The following FHOD3 variants were observed in gnomAD, a reference collection of about 807,000 sequenced individuals.
FHOD3 encodes FH1/FH2 domain-containing protein 3.
FHOD3 carries 90 observed loss-of-function variants against 173.0 expected under a neutral mutation model. The ratio of observed to expected loss-of-function variants is 0.52; its 90% confidence interval spans 0.44 to 0.62. FHOD3 has a LOEUF of 0.62. Among genes scored for constraint, FHOD3 ranks in the 20% least tolerant of loss-of-function variants. FHOD3 has a pLI of 0.00. For synonymous variants in FHOD3, 828 were observed against 823.0 expected (o/e 1.01, Z -0.10); for missense variants, 1,945 against 2,034.7 (o/e 0.96, Z 0.85).
intron 11 of FHOD3, among the ~76,000 whole-genome samples, chr18:36,650,963 C>T (rs772528523): frequency 5.3e-5 from 8 of 152,190 alleles, no homozygotes; most frequent in Non-Finnish European, 1.2e-4. Flanking sequence ...AGGAAATAAA[C>T]ATGTGTATGT....
intron 5 of FHOD3, among the ~76,000 whole-genome samples, chr18:36,551,720 G>T (rs1465915585): frequency 6.6e-6 from 1 of 152,276 alleles, no homozygotes; most frequent in African/African-American, 2.4e-5. Context: ...CATATGGCTA[G>T]CCAGTTTTCC....
At chr18:36,727,645 A>G (rs989006289) in intron 19 of FHOD3, among the ~76,000 whole-genome samples, 28 of 151,974 alleles carry the variant, frequency 1.8e-4, no homozygotes, top group African/African-American at 6.8e-4. Flanking sequence ...TCCCTGACTT[A>G]GAGGGGTGTG....
At chr18:36,752,794 T>C (rs1038010994) in intron 24 of FHOD3, among the ~76,000 whole-genome samples, 4 of 152,188 alleles carry the variant, frequency 2.6e-5, no homozygotes, top group Admixed American at 2.6e-4. Flanking sequence ...TCTTGGGTTG[T>C]ACTTATGTAT....
rs183761230 is a variant in FHOD3, at chr18:36,512,556, T to G, written c.511+13T>G. ...TACATCTTAAGGGGTAAGTCATGAC[T>G]GGGCATGCAGCAGCTGCCCCAGCTG... On this transcript the variant is annotated intron_variant, in intron 5 of 28. Coordinates refer to ENST00000590592, the MANE Select transcript of FHOD3 (RefSeq NM_001281740.3). 859 of 1,589,626 alleles carry G rather than the reference T, an allele frequency of 5.4e-4. 11 individuals are homozygous for G. The East Asian group carries it at 0.015, about 29-fold the overall frequency.
chr18:36,715,200 A>AC (rs2040382088), intron 18 of FHOD3, among the ~76,000 whole-genome samples: 1 of 152,184 alleles, frequency 6.6e-6, no homozygotes, highest in African/African-American at 2.4e-5. Flanking sequence ...CATGGGAGGG[A>AC]CCAGGTGAAA....
At chr18:36,558,468 G>T (rs2057972923) in intron 5 of FHOD3, among the ~76,000 whole-genome samples, 1 of 152,184 alleles carries the variant, frequency 6.6e-6, no homozygotes, top group African/African-American at 2.4e-5. Context: ...GCCAGAAGCG[G>T]AAGTCTTGCA....
At chr18:36,604,232 G>A (rs1307476276) in intron 8 of FHOD3, among the ~76,000 whole-genome samples, 1 of 152,206 alleles carries the variant, frequency 6.6e-6, no homozygotes, top group East Asian at 1.9e-4. Flanking sequence ...CTCATGCTGG[G>A]TGTGAGCCTG....
Position 36,718,070 on chromosome 18 carries a change from G to C in FHOD3, c.2772G>C (p.Arg924Ser), listed in dbSNP as rs765831058. ...CTCAGACCCAGGATGAGAGTGTCAG[G>C]AGGGTGGATGTCGGCTGTTTGGACA... is the stretch of plus-strand genomic sequence containing the variant. ...ANSQTQDESVRRVDVGCLDNR... is the reference protein window; with the variant it reads ...ANSQTQDESVSRVDVGCLDNR... Residue 924 changes from arginine (R) to serine (S), a missense_variant, in exon 19 of 29, where the codon AGG (arginine) becomes AGC (serine). By Grantham distance (110) the Arg-to-Ser change is moderately radical. Coordinates refer to ENST00000590592, the MANE Select transcript of FHOD3 (RefSeq NM_001281740.3). The C allele has an allele frequency of 3.1e-6, 5 of 1,599,436 alleles. No homozygotes were observed. Among genetic ancestry groups the C allele is most frequent in the Non-Finnish European group, 4.3e-6 (5 of 1,171,944 alleles).
chr18:36,484,090 G>A (rs1466987397), intron 3 of FHOD3, among the ~76,000 whole-genome samples: 1 of 152,172 alleles, frequency 6.6e-6, no homozygotes, highest in Admixed American at 6.5e-5. Flanking sequence ...AGTGTGAGAC[G>A]ATTAAAGATA....
Position 36,717,932 on chromosome 18 carries a change from C to T in FHOD3, c.2634C>T (p.Asn878=). The change falls in exon 19 of 29, where the codon AAC becomes AAT. Residue 878 remains asparagine (N), a synonymous_variant. Transcript: ENST00000590592. ...TGCTTGACATGCTGTATGCCCATAA[C>T]AGGAAGTCTCCGGATGATGAGGAGA... ...RFMLDMLYAH[N]RKSPDDEEKG... is the part of the protein sequence containing the mutation. 1 of 1,614,026 alleles carries T rather than the reference C, an allele frequency of 6.2e-7. No homozygotes were observed.
intron 3 of FHOD3, among the ~76,000 whole-genome samples, chr18:36,391,142 A>G (rs903732990): frequency 2.0e-5 from 3 of 152,194 alleles, no homozygotes; most frequent in Non-Finnish European, 4.4e-5. Context: ...GTTTCATCTA[A>G]TGCTGCCAAC....
intron 4 of FHOD3, among the ~76,000 whole-genome samples, chr18:36,503,094 G>A (rs961213101): frequency 3.9e-5 from 6 of 152,050 alleles, no homozygotes; most frequent in South Asian, 2.1e-4. Flanking sequence ...CCATAGTATC[G>A]TTGCCTCCTA....
Position 36,521,419 on chromosome 18 carries a change from C to G in FHOD3, c.511+8876C>G, listed in dbSNP as rs149093943. 3.9e-5 allele frequency among the ~76,000 whole-genome samples: 6 copies of G among 152,290 alleles called. No homozygotes were observed. The East Asian group carries it at 1.2e-3, about 29-fold the overall frequency. ...TGTTTTTATACCCCAGTCAGTTCCT[C>G]CACAGCTCTGTTCATCATCCCAACA... On this transcript the variant is annotated intron_variant, in intron 5 of 28. Transcript: ENST00000590592.
intron 9 of FHOD3, among the ~76,000 whole-genome samples, chr18:36,621,085 A>G (rs2033666686): frequency 6.6e-6 from 1 of 152,206 alleles, no homozygotes; most frequent in South Asian, 2.1e-4. Context: ...ATGTTTAATT[A>G]AATTCATTTG....
chr18:36,775,677 T>C (rs947247310), intron 28 of FHOD3, among the ~76,000 whole-genome samples: 2 of 152,228 alleles, frequency 1.3e-5, no homozygotes, highest in African/African-American at 4.8e-5. Context: ...TTTTTAATGT[T>C]TTCATTTCTA....
At chr18:36,335,423 A>G (rs1182165776) in intron 1 of FHOD3, among the ~76,000 whole-genome samples, 1 of 150,594 alleles carries the variant, frequency 6.6e-6, no homozygotes, top group East Asian at 2.0e-4. Flanking sequence ...TGAACCCGGG[A>G]GGCAGAGCTT....
chr18:36,755,513 G>A lies in FHOD3; in HGVS notation c.4425+202G>A, dbSNP rs188015248. Among the ~76,000 whole-genome samples the A allele has an allele frequency of 3.3e-5, 5 of 149,976 alleles. No individual in the cohort carries two copies. The Admixed American group carries it at 3.4e-4, about 10-fold the overall frequency. On this transcript the variant is annotated intron_variant, in intron 25 of 28. Transcript: ENST00000590592. The stretch of plus-strand genomic sequence containing the variant: ...AAATCTGCTAAATAACAAGGAGCTA[G>A]GAGATGTAAAGTTCAGAACGTGTGG...
intron 2 of FHOD3, among the ~76,000 whole-genome samples, chr18:36,369,623 A>C (rs1362536862): frequency 6.6e-6 from 1 of 152,142 alleles, no homozygotes; most frequent in Non-Finnish European, 1.5e-5. Context: ...TATATGTTAT[A>C]TACATGTAAA....
intron 3 of FHOD3, among the ~76,000 whole-genome samples, chr18:36,495,042 AAGCAGTCCTCCCACCTC>A (rs1171199352): frequency 6.6e-6 from 1 of 151,974 alleles, no homozygotes; most frequent in Non-Finnish European, 1.5e-5. Flanking sequence ...TCCTGGGTTC[AAGCAGTCCTCCCACCTC>A]AGCCTCCTGA....
Sources: gnomAD v4.1 joint callset for allele counts (sites outside exome capture counted in the v4.1 genomes callset) on GRCh38, gnomAD v4.1.1 for gene constraint, MANE v1.5 for transcripts, NCBI Gene and HGNC (gene_info 2026-07-23, HGNC 2026-07-21) for gene names.